Variants in POU6F2 observed in about 807,000 individuals in gnomAD.
POU6F2 encodes the protein POU domain, class 6, transcription factor 2.
POU6F2 carries 31 observed loss-of-function variants against 71.3 expected under a neutral mutation model. That is an observed-to-expected ratio of 0.43 (90% CI 0.33 to 0.59). The LOEUF is 0.59. Ranked by LOEUF, POU6F2 falls within the 20% of genes least tolerant of loss-of-function variation. POU6F2 has a pLI of 0.04. For missense variants in POU6F2, 783 were observed against 856.8 expected (o/e 0.91, Z 1.07); for synonymous variants, 347 against 355.7 (o/e 0.98, Z 0.27).
intron 6 of POU6F2, among the ~76,000 whole-genome samples, chr7:39,432,592 G>A (rs915544634): frequency 6.6e-6 from 1 of 152,044 alleles, no homozygotes; most frequent in East Asian, 1.9e-4. Flanking sequence ...CCCCTCCCCC[G>A]ACATTGAGAG....
At chr7:39,055,458 G>A (rs1790486844) in intron 1 of POU6F2, among the ~76,000 whole-genome samples, 1 of 152,152 alleles carries the variant, frequency 6.6e-6, no homozygotes, top group Non-Finnish European at 1.5e-5. Flanking sequence ...CTAATGGGCA[G>A]ATTCCGCACT....
chr7:39,381,124 C>T (rs974336193), intron 5 of POU6F2, among the ~76,000 whole-genome samples: 13 of 152,250 alleles, frequency 8.5e-5, no homozygotes, highest in African/African-American at 1.7e-4. Context: ...TGCAGTGGTG[C>T]GATCTTAGCC....
rs143675772 is a variant in POU6F2 at position 39,117,494 on chromosome 7, G to A, written c.277+31463G>A. ...GGGATCTAAAAAGACATAAACCTACGAGGACAAAGAGGAGCAGGAAAGAGA... is the reference window on the plus strand; with the variant it reads ...GGGATCTAAAAAGACATAAACCTACAAGGACAAAGAGGAGCAGGAAAGAGA... On this transcript the variant is annotated intron_variant, in intron 2 of 9. Transcript: ENST00000518318. 3.0e-3 allele frequency among the ~76,000 whole-genome samples: 455 copies of A among 152,246 alleles called. 1 individual carries two copies. The highest frequency in any genetic ancestry group is 0.01 in the African/African-American group (431 of 41,538).
intron 2 of POU6F2, among the ~76,000 whole-genome samples, chr7:39,168,009 T>C (rs986081529): frequency 6.6e-6 from 1 of 152,174 alleles, no homozygotes; most frequent in Non-Finnish European, 1.5e-5. Flanking sequence ...TAAAAATAGA[T>C]ATTTAATCCA....
intron 8 of POU6F2, among the ~76,000 whole-genome samples, chr7:39,454,210 G>C (rs868420516): frequency 1.3e-5 from 2 of 152,146 alleles, no homozygotes; most frequent in African/African-American, 4.8e-5. Context: ...AAATGCAGGA[G>C]TTTCTGTCCC....
chr7:39,184,072 C>T (rs1478974862), intron 2 of POU6F2, among the ~76,000 whole-genome samples: 1 of 152,124 alleles, frequency 6.6e-6, no homozygotes, highest in Non-Finnish European at 1.5e-5. Context: ...AGGCCCAGTT[C>T]TGTTTTGATA....
At chr7:39,248,694 G>T (rs1292755105) in intron 4 of POU6F2, among the ~76,000 whole-genome samples, 1 of 152,102 alleles carries the variant, frequency 6.6e-6, no homozygotes, top group African/African-American at 2.4e-5. Context: ...GTAGTTTGGG[G>T]CAATTCTGTT....
At position 39,107,903 on chromosome 7, in the gene POU6F2, T is replaced by C. The variant is rs148662258; in HGVS notation, c.277+21872T>C. ...ATAAATGTTCCAATTTTATTCTCTCTCCCCTTCCTTTGACAAAACCCAAGT... is the reference window on the plus strand; with the variant it reads ...ATAAATGTTCCAATTTTATTCTCTCCCCCCTTCCTTTGACAAAACCCAAGT... On this transcript the variant is annotated intron_variant, in intron 2 of 9. Coordinates refer to ENST00000518318, the MANE Select transcript of POU6F2 (RefSeq NM_001370959.1). Among the ~76,000 whole-genome samples, 313 of 152,228 alleles carry C rather than the reference T, an allele frequency of 2.1e-3. 1 individual carries two copies. The highest frequency in any genetic ancestry group is 7.1e-3 in the African/African-American group (293 of 41,518).
chr7:38,991,333 T>C (rs149818567), intron 1 of POU6F2, among the ~76,000 whole-genome samples: 3 of 152,288 alleles, frequency 2.0e-5, no homozygotes, highest in East Asian at 1.9e-4. Context: ...TTTGTTTTCA[T>C]TTAATACTTA....
In POU6F2 at chr7:39,339,940, C is replaced by T. The variant is rs750549628; in HGVS notation, c.897C>T (p.Ser299=). Residue 299 remains serine, a synonymous_variant, in exon 5 of 10, where the codon TCC becomes TCT. Transcript: ENST00000518318. ...AACCATCTCCAACCCAGCAGAGCTC[C>T]AGCCCCCCGCAGAAACCTAGTCAGT... The part of the protein sequence containing the change: ...QNQPSPTQQS[S]SPPQKPSQSP... 9 of 1,613,848 alleles carry T rather than the reference C, an allele frequency of 5.6e-6. No homozygotes were observed. The highest frequency in any genetic ancestry group is 1.7e-5 in the Admixed American group (1 of 60,000).
At chr7:39,114,495 A>C (rs1354389967) in intron 2 of POU6F2, among the ~76,000 whole-genome samples, 1 of 152,222 alleles carries the variant, frequency 6.6e-6, no homozygotes, top group African/African-American at 2.4e-5. Context: ...ATTTCTTAGA[A>C]GAAAATAAGG....
At chr7:39,109,958 T>C (rs1381172759) in intron 2 of POU6F2, among the ~76,000 whole-genome samples, 1 of 152,210 alleles carries the variant, frequency 6.6e-6, no homozygotes, top group Non-Finnish European at 1.5e-5. Context: ...TTGTTAAATA[T>C]AGCTGCTATT....
chr7:39,434,942 A>G (rs905007235), intron 7 of POU6F2, among the ~76,000 whole-genome samples: 7 of 152,144 alleles, frequency 4.6e-5, no homozygotes, highest in Non-Finnish European at 8.8e-5. Context: ...CTTCATCCAT[A>G]TCCCTGCAAA....
intron 4 of POU6F2, among the ~76,000 whole-genome samples, chr7:39,290,732 C>G (rs955452525): frequency 3.3e-5 from 5 of 152,200 alleles, no homozygotes; most frequent in East Asian, 3.8e-4. Context: ...AGATGCTCTG[C>G]AGGACTTTAT....
rs17713125 is a variant in POU6F2 at position 39,465,231 on chromosome 7, T to C, written c.*545T>C. ...ATTAACCAAAGTCAGAAACATGGCA[T>C]TGCAACGCGATCGTTCGTCTACGCT... On this transcript the variant is annotated 3_prime_UTR_variant, in exon 10 of 10. Coordinates refer to ENST00000518318, the MANE Select transcript of POU6F2 (RefSeq NM_001370959.1). 0.16 allele frequency: 24,634 copies of C among 152,568 alleles called. 2,474 individuals carry two copies. The highest frequency in any genetic ancestry group is 0.23 in the Non-Finnish European group (15,865 of 68,286). The allele number at this position is 152,568 out of a possible 1,614,324, so 9.5% of individuals were successfully genotyped here.
intron 5 of POU6F2, among the ~76,000 whole-genome samples, chr7:39,343,260 A>G (rs1035174470): frequency 2.6e-5 from 4 of 152,256 alleles, no homozygotes; most frequent in Non-Finnish European, 5.9e-5. Context: ...CTTGGGTGCC[A>G]GGATGGAGAG....
At chr7:39,210,047 A>T (rs1193745367) in intron 4 of POU6F2, among the ~76,000 whole-genome samples, 1 of 152,182 alleles carries the variant, frequency 6.6e-6, no homozygotes, top group Non-Finnish European at 1.5e-5. Flanking sequence ...CCTTTCCCCC[A>T]TCTCTTTCCT....
At position 39,382,043 on chromosome 7, in the gene POU6F2, AAATAATAAT is replaced by A. The variant is rs3839694; in HGVS notation, c.973-24540_973-24532del. Among the ~76,000 whole-genome samples, 240 of 150,402 alleles carry A rather than the reference AAATAATAAT, an allele frequency of 1.6e-3. 1 individual carries two copies. Among genetic ancestry groups the A allele is most frequent in the African/African-American group, 5.5e-3 (228 of 41,164 alleles). ...AGCAGTTGAGAATCAACACACAAGC[AAATAATAAT>A]AATAATAATAATAATATAAAAATGG... On this transcript the variant is annotated intron_variant, in intron 5 of 9. Coordinates refer to ENST00000518318, the MANE Select transcript of POU6F2 (RefSeq NM_001370959.1).
chr7:39,282,233 G>A (rs1172082001), intron 4 of POU6F2, among the ~76,000 whole-genome samples: 3 of 151,978 alleles, frequency 2.0e-5, no homozygotes, highest in African/African-American at 4.8e-5. Context: ...CTCCTATTCC[G>A]TAGGTTGTCT....
Sources: allele counts gnomAD v4.1 joint callset (sites outside exome capture counted in the v4.1 genomes callset), GRCh38; gene constraint gnomAD v4.1.1; transcripts MANE v1.5; gene names NCBI Gene and HGNC (gene_info 2026-07-23, HGNC 2026-07-21).